Variants in UGT3A1 observed in about 807,000 individuals in gnomAD.
The protein encoded by UGT3A1 is UDP glycosyltransferase family 3 member A1, also known as UDP-glycosyltransferase 3A1.
In UGT3A1, 40 loss-of-function variants were observed where a neutral mutation model predicts 37.6. That is an observed-to-expected ratio of 1.06 (90% confidence interval 0.83 to 1.38). The LOEUF (loss-of-function observed/expected upper bound fraction) is 1.38. Among genes scored for constraint, UGT3A1 ranks in the 40% most tolerant of loss-of-function variants. UGT3A1 has a pLI of 0.00. For synonymous variants in UGT3A1, 256 were observed against 232.3 expected (o/e 1.10, Z -0.93); for missense variants, 642 against 634.2 (o/e 1.01, Z -0.13).
chr5:35,967,456 C>T (rs1011629474), intron 3 of UGT3A1, among the ~76,000 whole-genome samples: 2 of 152,182 alleles, frequency 1.3e-5, no homozygotes, highest in Non-Finnish European at 2.9e-5. Context: ...GTCTCAGGCT[C>T]ATCTCTCATT....
intron 2 of UGT3A1, 90 bp downstream of exon 2, chr5:35,988,360 G>A: frequency 1.1e-6 from 1 of 877,990 alleles, no homozygotes; most frequent in Non-Finnish European, 1.7e-6. Flanking sequence ...TAGATTCAAA[G>A]AAGTTTTTAC....
intron 1 of UGT3A1, among the ~76,000 whole-genome samples, chr5:35,989,436 C>T (rs917272971): frequency 6.6e-6 from 1 of 152,054 alleles, no homozygotes; most frequent in Admixed American, 6.6e-5. Flanking sequence ...GGAAAAATGC[C>T]GAGAGTTTGA....
chr5:35,967,975 A>G (rs779840394), intron 3 of UGT3A1, 44 bp downstream of exon 3: 1 of 1,448,826 alleles, frequency 6.9e-7, no homozygotes, highest in Non-Finnish European at 9.6e-7. Context: ...CATTTGTATC[A>G]CTAAAATAGT....
chr5:35,977,337 G>A (rs1740329841), intron 2 of UGT3A1, among the ~76,000 whole-genome samples: 1 of 152,164 alleles, frequency 6.6e-6, no homozygotes, highest in Admixed American at 6.5e-5. Flanking sequence ...AACACAATAT[G>A]AATGAATCTT....
chr5:35,976,991 G>T (rs896946923), intron 2 of UGT3A1, among the ~76,000 whole-genome samples: 2 of 144,870 alleles, frequency 1.4e-5, no homozygotes, highest in African/African-American at 2.6e-5. Context: ...AAGAGAAAGA[G>T]AAAGAAAGAA....
chr5:35,986,136 A>G (rs1467379073), intron 2 of UGT3A1, among the ~76,000 whole-genome samples: 1 of 152,212 alleles, frequency 6.6e-6, no homozygotes, highest in Non-Finnish European at 1.5e-5. Context: ...ACAATGTGAT[A>G]TCATCTCATC....
intron 2 of UGT3A1, among the ~76,000 whole-genome samples, chr5:35,977,535 CTTCCACCCACTCTTTCTAG>C (rs1561467147): frequency 6.6e-6 from 1 of 152,036 alleles, no homozygotes; most frequent in Non-Finnish European, 1.5e-5. Context: ...GAGCTTAGCA[CTTCCACCCACTCTTTCTAG>C]CTCCCTCTCT....
Position 35,953,145 on chromosome 5 carries a change from A to C in UGT3A1, c.*1057T>G, listed in dbSNP as rs1256758957. On this transcript the variant is annotated 3_prime_UTR_variant, in exon 7 of 7. Transcript: ENST00000274278. ...CATTTTATTTCAGAACTCTAAAGCA[A>C]ATAAAAAGGTACAATCATTTGAAGG... 1 of 152,360 alleles carries C rather than the reference A, an allele frequency of 6.6e-6. No homozygotes were observed. The highest frequency in any genetic ancestry group is 1.9e-4 in the East Asian group (1 of 5,340). The allele number at this position is 152,360 out of a possible 1,614,324, so 9.4% of individuals were successfully genotyped here.
chr5:35,997,300 A>G (rs1370423729), exon 2 of UGT3A1: 3 of 152,248 alleles, frequency 2.0e-5, no homozygotes, highest in African/African-American at 7.2e-5. Flanking sequence ...CTGTAGGTCC[A>G]GACAGCCAAT....
At chr5:35,961,392 A>C (rs1281786863) in intron 4 of UGT3A1, 2 of 152,300 alleles carry the variant, frequency 1.3e-5, no homozygotes, top group African/African-American at 4.8e-5. Flanking sequence ...GTGAGAGGAA[A>C]AAACAAGTTT....
intron 6 of UGT3A1, 195 bp downstream of exon 6, chr5:35,955,450 T>C (rs1580912321): frequency 4.6e-6 from 3 of 648,072 alleles, no homozygotes; most frequent in Non-Finnish European, 5.3e-6. Flanking sequence ...GGTAGGAAAG[T>C]AATTCTCAGC....
intron 2 of UGT3A1, among the ~76,000 whole-genome samples, chr5:35,968,960 A>G (rs1739927632): frequency 1.3e-5 from 2 of 152,206 alleles, no homozygotes; most frequent in Non-Finnish European, 2.9e-5. Flanking sequence ...TGTGTCTCAA[A>G]CCAAAGCTAT....
At chr5:35,989,358 A>G (rs574525043) in intron 1 of UGT3A1, among the ~76,000 whole-genome samples, 3 of 152,312 alleles carry the variant, frequency 2.0e-5, no homozygotes, top group African/African-American at 7.2e-5. Flanking sequence ...GCATGTTCCA[A>G]CACAGACCCT....
chr5:35,994,386 C>A (rs1741045746), upstream of UGT3A1, among the ~76,000 whole-genome samples: 1 of 136,974 alleles, frequency 7.3e-6, no homozygotes, highest in African/African-American at 2.6e-5. Context: ...TCGGTTCTTT[C>A]CCCTATCAGG....
rs142049781 is a variant in UGT3A1, at chr5:35,968,077, G to T, written c.253C>A (p.His85Asn). The change falls in exon 3 of 7, where the codon CAT becomes AAT. Residue 85 changes from histidine to asparagine, a missense_variant. Transcript: ENST00000274278. ...AAATGCTTCTTAATTCTTTTTTGAT[G>T]ATCTTCAGGTGAAAACCACCTGATA... ...QVIRWFSPED[H>N]QKRIKKHFDS... The T allele has an allele frequency of 2.7e-5, 44 of 1,612,986 alleles. No individual in the cohort carries two copies. In the Middle Eastern group the frequency reaches 8.3e-4, roughly 30 times the overall value.
At chr5:35,991,781 T>C (rs1740959814), upstream of UGT3A1, among the ~76,000 whole-genome samples, 1 of 152,202 alleles carries the variant, frequency 6.6e-6, no homozygotes, top group African/African-American at 2.4e-5. Flanking sequence ...TGAGAGGGAA[T>C]CCCTAAGGGA....
At chr5:35,972,988 C>A (rs184236152) in intron 2 of UGT3A1, among the ~76,000 whole-genome samples, 8 of 152,158 alleles carry the variant, frequency 5.3e-5, no homozygotes, top group Admixed American at 1.3e-4. Context: ...AATTCTCCAC[C>A]TTGCAAGGTA....
chr5:35,959,524 G>A (rs1223986534), intron 4 of UGT3A1, among the ~76,000 whole-genome samples: 4 of 151,938 alleles, frequency 2.6e-5, no homozygotes, highest in Non-Finnish European at 5.9e-5. Flanking sequence ...TTTAAAACAG[G>A]AAATTTTTGG....
intron 2 of UGT3A1, among the ~76,000 whole-genome samples, chr5:35,975,918 G>A (rs1248046196): frequency 1.3e-5 from 2 of 152,096 alleles, no homozygotes; most frequent in Non-Finnish European, 2.9e-5. Flanking sequence ...TGTTCTCCAG[G>A]AGACTATATA....
Sources: allele counts gnomAD v4.1 joint callset (sites outside exome capture counted in the v4.1 genomes callset), GRCh38; gene constraint gnomAD v4.1.1; transcripts MANE v1.5; gene names NCBI Gene and HGNC (gene_info 2026-07-23, HGNC 2026-07-21).